The following PCDHA8 variants were observed in gnomAD, a reference collection of about 807,000 sequenced individuals.
PCDHA8 encodes protocadherin alpha-8.
Under a neutral mutation model 61.8 loss-of-function variants are expected in PCDHA8, and 53 were observed. The ratio of observed to expected loss-of-function variants is 0.86; its 90% CI spans 0.69 to 1.08. The LOEUF is 1.08. Among genes scored for constraint, PCDHA8 ranks in the 50% least tolerant of loss-of-function variants. The pLI is 0.00. For synonymous variants in PCDHA8, 618 were observed against 556.6 expected, an observed-to-expected ratio of 1.11 and a Z score of -1.55; for missense variants, 1,293 against 1,245.0, an observed-to-expected ratio of 1.04 and a Z score of -0.58.
rs376462906 is a variant in PCDHA8, at chr5:140,873,767, TCTC to T, written c.2394+30055_2394+30057del. Among the ~76,000 whole-genome samples, 393 of 152,280 alleles carry T rather than the reference TCTC, an allele frequency of 2.6e-3. 1 individual carries two copies. The highest frequency in any genetic ancestry group is 9.2e-3 in the African/African-American group (382 of 41,558). On this transcript the variant is annotated intron_variant, in intron 1 of 3. Transcript: ENST00000531613. ...TCTCCACCTCCCATGTTCAAGCAAT[TCTC>T]CTGCCTCAGCTTTCCGAGAAGCTGG...
At chr5:140,966,097 C>T (rs1215509140) in intron 1 of PCDHA8, 2 of 154,754 alleles carry the variant, frequency 1.3e-5, no homozygotes, top group Non-Finnish European at 2.9e-5. Flanking sequence ...GTTAGATCCG[C>T]CGCCTGGGTG....
chr5:140,852,048 G>T, intron 1 of PCDHA8: 1 of 917,014 alleles, frequency 1.1e-6, no homozygotes, highest in Non-Finnish European at 1.3e-6. Flanking sequence ...TTGTTATGTG[G>T]TTTATATTTT....
In PCDHA8 at chr5:140,851,944, C is replaced by G; in HGVS notation, c.2394+8229C>G. The G allele has an allele frequency of 1.7e-5, 16 of 969,410 alleles. 1 individual carries two copies. Among genetic ancestry groups the G allele is most frequent in the Non-Finnish European group, 2.0e-5 (16 of 802,504 alleles). The allele number at this position is 969,410 out of a possible 1,614,324, so 60.1% of individuals were successfully genotyped here. A position where few individuals can be genotyped will look rare whatever the true frequency, so the allele number is the denominator to read the frequency against. On this transcript the variant is annotated intron_variant, in intron 1 of 3. Transcript: ENST00000531613. ...ATGTTTCCTGAATTGTAGTATGTGA[C>G]TTTCAAAATGGTGGTTTTCCACACT...
At chr5:140,906,099 T>G (rs1377633678) in intron 1 of PCDHA8, among the ~76,000 whole-genome samples, 1 of 152,118 alleles carries the variant, frequency 6.6e-6, no homozygotes, top group African/African-American at 2.4e-5. Flanking sequence ...AGTAAGTGTG[T>G]CTTTCCCAGT....
intron 1 of PCDHA8, chr5:140,858,828 A>G (rs546423783): frequency 8.8e-5 from 29 of 330,376 alleles, no homozygotes; most frequent in Middle Eastern, 1.8e-3. Flanking sequence ...TATTTGCATT[A>G]CCAAAAAATT....
At chr5:140,917,374 C>T (rs1378508006) in intron 1 of PCDHA8, among the ~76,000 whole-genome samples, 1 of 151,778 alleles carries the variant, frequency 6.6e-6, no homozygotes, top group East Asian at 1.9e-4. Flanking sequence ...CTTGCTCCAC[C>T]TCAATAGTCT....
At chr5:140,861,470 G>A (rs1554154806) in intron 1 of PCDHA8, 1 of 492,724 alleles carries the variant, frequency 2.0e-6, no homozygotes, top group Non-Finnish European at 4.2e-6. Context: ...TAAATCTGCA[G>A]AATGGCATTT....
Position 140,857,664 on chromosome 5 carries a change from G to C in PCDHA8, c.2394+13949G>C, listed in dbSNP as rs201104305. Reference sequence around the variant, plus strand: ...CAGTTCCAGGTGAGCGCGCGCGATGGGGGCGTGCCGCCTCTGGGCAGCAAC... The same window carrying C: ...CAGTTCCAGGTGAGCGCGCGCGATGCGGGCGTGCCGCCTCTGGGCAGCAAC... On this transcript the variant is annotated intron_variant, in intron 1 of 3. Transcript: ENST00000531613. 3.7e-5 allele frequency: 59 copies of C among 1,591,986 alleles called. 7 individuals are homozygous for C. The highest frequency in any genetic ancestry group is 8.9e-5 in the East Asian group (4 of 44,792).
At chr5:140,943,770 A>G (rs1290673049) in intron 1 of PCDHA8, among the ~76,000 whole-genome samples, 16 of 152,384 alleles carry the variant, frequency 1.0e-4, no homozygotes, top group African/African-American at 3.8e-4. Context: ...TAGGAAAAAA[A>G]CTAGGAAGTG....
intron 1 of PCDHA8, among the ~76,000 whole-genome samples, chr5:140,934,654 T>G (rs1178051306): frequency 6.6e-6 from 1 of 152,168 alleles, no homozygotes; most frequent in African/African-American, 2.4e-5. Flanking sequence ...AATGTTTGAT[T>G]CTTCCCCTTT....
At chr5:140,955,506 G>A (rs781377705) in intron 1 of PCDHA8, among the ~76,000 whole-genome samples, 3 of 152,222 alleles carry the variant, frequency 2.0e-5, no homozygotes, top group South Asian at 2.1e-4. Flanking sequence ...GAAGAAAGAC[G>A]TGTTTGCTTT....
chr5:140,936,134 C>A (rs782197390), intron 1 of PCDHA8, among the ~76,000 whole-genome samples: 1 of 152,176 alleles, frequency 6.6e-6, no homozygotes, highest in Non-Finnish European at 1.5e-5. Context: ...CTTAAGTGAT[C>A]TGCCCGCCTT....
chr5:140,891,426 C>A lies in PCDHA8; in HGVS notation c.2394+47711C>A, dbSNP rs76102230. On this transcript the variant is annotated intron_variant, in intron 1 of 3. Transcript: ENST00000531613. ...CCACCCCCCACTCTTGCCCCCAAGTCCCCAACGTCCATTGTATAGGATTTT... is the reference window on the plus strand; with the variant it reads ...CCACCCCCCACTCTTGCCCCCAAGTACCCAACGTCCATTGTATAGGATTTT... Among the ~76,000 whole-genome samples, 774 of 148,652 alleles carry A rather than the reference C, an allele frequency of 5.2e-3. 4 individuals are homozygous for A. Among genetic ancestry groups the A allele is most frequent in the African/African-American group, 0.018 (747 of 40,514 alleles).
At chr5:140,982,359 C>T in intron 2 of PCDHA8, 116 bp from the exon 3 acceptor site, 1 of 1,523,712 alleles carries the variant, frequency 6.6e-7, no homozygotes. Context: ...CAAGCATGAG[C>T]AGAATGTGTT....
In PCDHA8 at chr5:140,843,048, C is replaced by T. The variant is rs1554139673; in HGVS notation, c.1727C>T (p.Ala576Val). ...LEPRVGGTGG[A>V]ASKLVPRSVG... Reference sequence around the variant, plus strand: ...CCTCGGGTGGGTGGCACTGGTGGCGCAGCGAGCAAGCTGGTGCCGCGGTCT... The same window carrying T: ...CCTCGGGTGGGTGGCACTGGTGGCGTAGCGAGCAAGCTGGTGCCGCGGTCT... The change falls in exon 1 of 4, where the codon GCA (alanine) becomes GTA (valine). Residue 576 changes from alanine (A) to valine (V), a missense_variant. Coordinates refer to ENST00000531613, the MANE Select transcript of PCDHA8 (RefSeq NM_018911.3). 1.3e-6 allele frequency: 2 copies of T among 1,595,084 alleles called. No homozygotes were observed. Among genetic ancestry groups the T allele is most frequent in the Non-Finnish European group, 1.7e-6 (2 of 1,165,280 alleles).
At chr5:140,869,004 T>C in intron 1 of PCDHA8, 1 of 1,521,534 alleles carries the variant, frequency 6.6e-7, no homozygotes, top group Non-Finnish European at 8.8e-7. Context: ...AAGGATCCTT[T>C]GAAACTTCTT....
intron 1 of PCDHA8, among the ~76,000 whole-genome samples, chr5:140,917,639 C>T (rs151007423): frequency 1.6e-4 from 25 of 152,268 alleles, no homozygotes; most frequent in African/African-American, 5.8e-4. Flanking sequence ...AGCTAGTTAT[C>T]CCAGCAATAT....
At chr5:140,863,157 C>G in intron 1 of PCDHA8, 1 of 638,958 alleles carries the variant, frequency 1.6e-6, no homozygotes, top group South Asian at 1.4e-5. Flanking sequence ...AGGACCACTG[C>G]GAGCTGGCGC....
intron 1 of PCDHA8, chr5:140,864,365 A>G (rs2048439709): frequency 6.6e-6 from 1 of 152,220 alleles, no homozygotes; most frequent in Non-Finnish European, 1.5e-5. Flanking sequence ...TTATCTTTCT[A>G]TAATCGATAA....
Sources: gnomAD v4.1 joint callset for allele counts (sites outside exome capture counted in the v4.1 genomes callset) on GRCh38, gnomAD v4.1.1 for gene constraint, MANE v1.5 for transcripts, NCBI Gene and HGNC (gene_info 2026-07-23, HGNC 2026-07-21) for gene names.